Variants in LRRC4C observed in about 807,000 individuals in gnomAD.
LRRC4C encodes leucine rich repeat containing 4C.
A neutral mutation model predicts 33.6 loss-of-function variants in LRRC4C; 5 were observed. The ratio of observed to expected loss-of-function variants is 0.15; its 90% CI spans 0.08 to 0.31. LRRC4C has a LOEUF of 0.31. LRRC4C is among the 10% of genes least tolerant of loss of function. The pLI is 1.00. For missense variants in LRRC4C, 560 were observed against 796.7 expected (o/e 0.70, Z 3.58); for synonymous variants, 329 against 302.0 (o/e 1.09, Z -0.93).
At chr11:41,395,533 A>G (rs1953775117) in intron 1 of LRRC4C, among the ~76,000 whole-genome samples, 1 of 152,004 alleles carries the variant, frequency 6.6e-6, no homozygotes, top group Non-Finnish European at 1.5e-5. Context: ...AGAAATCATT[A>G]GTGTCTTAAA....
At chr11:40,322,251 C>A (rs897620260) in intron 3 of LRRC4C, among the ~76,000 whole-genome samples, 14 of 149,692 alleles carry the variant, frequency 9.4e-5, no homozygotes, top group African/African-American at 3.2e-4. Flanking sequence ...AAGAAATTCA[C>A]TTTTTTTTTT....
chr11:40,965,261 G>C (rs1471274296), intron 1 of LRRC4C, among the ~76,000 whole-genome samples: 4 of 152,054 alleles, frequency 2.6e-5, no homozygotes, highest in African/African-American at 4.8e-5. Context: ...GTAGATTCTG[G>C]ATATTAGCCC....
chr11:40,524,761 G>A (rs1455305992), intron 3 of LRRC4C, among the ~76,000 whole-genome samples: 1 of 152,118 alleles, frequency 6.6e-6, no homozygotes, highest in Non-Finnish European at 1.5e-5. Context: ...CTTACTATGA[G>A]CCAAGGGCTT....
chr11:40,582,941 T>C (rs1264452001), intron 3 of LRRC4C, among the ~76,000 whole-genome samples: 2 of 152,186 alleles, frequency 1.3e-5, no homozygotes, highest in African/African-American at 2.4e-5. Flanking sequence ...ACCTCAAACA[T>C]TAACAATTTA....
intron 1 of LRRC4C, among the ~76,000 whole-genome samples, chr11:41,340,366 C>T (rs554931932): frequency 2.4e-4 from 37 of 152,216 alleles, no homozygotes; most frequent in Admixed American, 1.5e-3. Context: ...TTTTGCAAAA[C>T]TTGGACTAAA....
chr11:40,346,614 C>T (rs979671307), intron 3 of LRRC4C, among the ~76,000 whole-genome samples: 1 of 152,010 alleles, frequency 6.6e-6, no homozygotes, highest in Non-Finnish European at 1.5e-5. Context: ...GGCTTAATAC[C>T]TGGGTGATGA....
intron 1 of LRRC4C, among the ~76,000 whole-genome samples, chr11:40,957,450 C>A (rs934559186): frequency 1.3e-5 from 2 of 151,692 alleles, no homozygotes; most frequent in African/African-American, 4.8e-5. Flanking sequence ...CTCTTTCCAT[C>A]ACCCACTGTC....
chr11:40,511,846 A>T (rs1955331666), intron 3 of LRRC4C, among the ~76,000 whole-genome samples: 2 of 152,186 alleles, frequency 1.3e-5, no homozygotes, highest in South Asian at 4.1e-4. Context: ...TCCATCAGTA[A>T]TTTTGGCATT....
chr11:40,858,274 C>G (rs1288299530), intron 2 of LRRC4C, among the ~76,000 whole-genome samples: 1 of 152,144 alleles, frequency 6.6e-6, no homozygotes, highest in Non-Finnish European at 1.5e-5. Flanking sequence ...TGTTGGACTA[C>G]ATTATGGCTA....
chr11:41,168,538 TTGGG>T, intron 1 of LRRC4C, among the ~76,000 whole-genome samples: 1 of 152,164 alleles, frequency 6.6e-6, no homozygotes, highest in South Asian at 2.1e-4. Context: ...TAACTAAAAC[TTGGG>T]AAACCCTCAT....
chr11:40,764,292 T>C (rs1949353067), intron 2 of LRRC4C, among the ~76,000 whole-genome samples: 1 of 152,144 alleles, frequency 6.6e-6, no homozygotes, highest in African/African-American at 2.4e-5. Flanking sequence ...TAAGGAGCCC[T>C]TGGTCCTTGA....
At position 40,546,877 on chromosome 11, in the gene LRRC4C, T is replaced by G. The variant is rs551373249; in HGVS notation, c.-270+101265A>C. 2.0e-5 allele frequency among the ~76,000 whole-genome samples: 3 copies of G among 152,244 alleles called. 1 individual carries two copies. In the South Asian group the frequency reaches 6.2e-4, roughly 32 times the overall value. ...CTAACACTGCAGTAAGTGGCTGGGC[T>G]GCAATTGTTAGACTCACAAGCCCAA... On this transcript the variant is annotated intron_variant, in intron 3 of 6. Transcript: ENST00000528697.
intron 1 of LRRC4C, among the ~76,000 whole-genome samples, chr11:41,061,079 G>C (rs556056365): frequency 6.6e-6 from 1 of 151,900 alleles, no homozygotes; most frequent in East Asian, 1.9e-4. Context: ...CTCAAGCAGA[G>C]AAAACTTATT....
chr11:40,630,811 G>A (rs761264948), intron 3 of LRRC4C, among the ~76,000 whole-genome samples: 6 of 152,014 alleles, frequency 3.9e-5, no homozygotes, highest in Non-Finnish European at 7.4e-5. Flanking sequence ...TAATCTTAAC[G>A]TGCCCAACAG....
chr11:40,176,866 T>C (rs1860535806), intron 5 of LRRC4C, among the ~76,000 whole-genome samples: 1 of 151,906 alleles, frequency 6.6e-6, no homozygotes, highest in Non-Finnish European at 1.5e-5. Flanking sequence ...AATTGCTCTT[T>C]TTATAACTTA....
intron 2 of LRRC4C, among the ~76,000 whole-genome samples, chr11:40,876,591 C>T (rs370825350): frequency 2.6e-5 from 4 of 151,832 alleles, no homozygotes; most frequent in African/African-American, 4.8e-5. Flanking sequence ...AATGTGCTGC[C>T]GGTGGTGACT....
At chr11:41,174,200 C>A (rs1270681847) in intron 1 of LRRC4C, among the ~76,000 whole-genome samples, 3 of 151,988 alleles carry the variant, frequency 2.0e-5, no homozygotes, top group Admixed American at 2.0e-4. Flanking sequence ...GTGTATTGAG[C>A]TTATCAAGTT....
chr11:40,336,701 G>T (rs1055952037), intron 3 of LRRC4C, among the ~76,000 whole-genome samples: 4 of 152,150 alleles, frequency 2.6e-5, no homozygotes, highest in Non-Finnish European at 4.4e-5. Context: ...CAGGGGCTGG[G>T]CACGGTGGCT....
At chr11:40,444,204 G>A (rs1590754600) in intron 3 of LRRC4C, among the ~76,000 whole-genome samples, 1 of 152,012 alleles carries the variant, frequency 6.6e-6, no homozygotes, top group African/African-American at 2.4e-5. Flanking sequence ...GGAAAACTGA[G>A]GATCAGAGGG....
Sources: gnomAD v4.1 joint callset for allele counts (sites outside exome capture counted in the v4.1 genomes callset) on GRCh38, gnomAD v4.1.1 for gene constraint, MANE v1.5 for transcripts, NCBI Gene and HGNC (gene_info 2026-07-23, HGNC 2026-07-21) for gene names.